Variants in XRCC4 observed in about 807,000 individuals in gnomAD.
The protein encoded by XRCC4 is DNA repair protein XRCC4.
XRCC4 carries 28 observed loss-of-function variants against 39.1 expected under a neutral mutation model. That is an observed-to-expected ratio of 0.72 (90% CI 0.53 to 0.98). The LOEUF (loss-of-function observed/expected upper bound fraction) is 0.98. XRCC4 is among the 50% of genes least tolerant of loss of function. The pLI, the probability that XRCC4 is intolerant of heterozygous loss-of-function variation, is 0.00. For missense variants in XRCC4, 350 were observed against 376.4 expected, an observed-to-expected ratio of 0.93 and a Z score of 0.58; for synonymous variants, 123 against 126.4, an observed-to-expected ratio of 0.97 and a Z score of 0.18.
intron 6 of XRCC4, among the ~76,000 whole-genome samples, chr5:83,246,363 T>C (rs1160776388): frequency 1.3e-5 from 2 of 152,122 alleles, no homozygotes. Flanking sequence ...TCCAGTTAAA[T>C]GTGTTAGGCT....
At chr5:83,218,061 T>TG (rs201063491) in intron 6 of XRCC4, among the ~76,000 whole-genome samples, 8 of 149,388 alleles carry the variant, frequency 5.4e-5, no homozygotes, top group African/African-American at 2.0e-4. Context: ...CTTTACCTTT[T>TG]TTATATATAT....
At chr5:83,255,104 AAG>A (rs1365930002) in intron 6 of XRCC4, among the ~76,000 whole-genome samples, 7 of 151,974 alleles carry the variant, frequency 4.6e-5, no homozygotes, top group Admixed American at 6.6e-5. Flanking sequence ...GAAAAAAAAA[AAG>A]AAAAGAAATT....
At chr5:83,276,148 G>T (rs1336959465) in intron 7 of XRCC4, among the ~76,000 whole-genome samples, 3 of 152,182 alleles carry the variant, frequency 2.0e-5, no homozygotes, top group African/African-American at 4.8e-5. Flanking sequence ...CTAGCGATAT[G>T]TGGTACAATA....
intron 3 of XRCC4, among the ~76,000 whole-genome samples, chr5:83,188,634 T>A (rs1338408750): frequency 3.3e-5 from 5 of 152,074 alleles, no homozygotes; most frequent in Non-Finnish European, 7.4e-5. Context: ...CAGAAGATGA[T>A]GGAGAACTGG....
chr5:83,222,598 C>T (rs1007196899), intron 6 of XRCC4, among the ~76,000 whole-genome samples: 1 of 152,094 alleles, frequency 6.6e-6, no homozygotes, highest in Non-Finnish European at 1.5e-5. Context: ...TGGCCAAATT[C>T]AGGAACATGT....
intron 3 of XRCC4, among the ~76,000 whole-genome samples, chr5:83,164,671 CAT>C (rs1477406266): frequency 6.6e-6 from 1 of 152,092 alleles, no homozygotes; most frequent in Non-Finnish European, 1.5e-5. Context: ...GTATCTCAAA[CAT>C]GTTGTACAAC....
intron 1 of XRCC4, among the ~76,000 whole-genome samples, chr5:83,078,510 G>A (rs576262844): frequency 6.6e-6 from 1 of 152,312 alleles, no homozygotes; most frequent in South Asian, 2.1e-4. Context: ...TGAGATTTTG[G>A]TTTATGAACT....
Position 83,203,561 on chromosome 5 carries a change from A to G in XRCC4, c.492A>G (p.Lys164=). The G allele has an allele frequency of 6.3e-7, 1 of 1,582,268 alleles. No homozygotes were observed. The highest frequency in any genetic ancestry group is 1.4e-5 in the African/African-American group (1 of 72,978). ...TTATTTACTTTTTTAGATTTGAAAA[A>G]TGTGTGAGTGCTAAGGAAGCTTTGG... ...DWNDVQGRFE[K]CVSAKEALET... is the part of the protein sequence containing the mutation. Residue 164 remains lysine, a synonymous_variant, in exon 5 of 8, where the codon AAA becomes AAG. Coordinates refer to ENST00000396027, the MANE Select transcript of XRCC4 (RefSeq NM_003401.5).
chr5:83,098,139 T>C (rs1745764476), intron 1 of XRCC4, among the ~76,000 whole-genome samples: 1 of 152,112 alleles, frequency 6.6e-6, no homozygotes, highest in Non-Finnish European at 1.5e-5. Context: ...ATATTTGGAA[T>C]GGCAGCAACT....
intron 3 of XRCC4, among the ~76,000 whole-genome samples, chr5:83,160,861 T>C (rs1749172760): frequency 6.6e-6 from 1 of 152,114 alleles, no homozygotes; most frequent in Non-Finnish European, 1.5e-5. Context: ...AGACCAAATT[T>C]AAATTTGGTT....
intron 3 of XRCC4, among the ~76,000 whole-genome samples, chr5:83,187,168 C>T (rs953929099): frequency 2.1e-5 from 1 of 48,296 alleles, no homozygotes; most frequent in Non-Finnish European, 4.8e-5. Flanking sequence ...TGGTCTCGAT[C>T]TCCTGACCTC....
chr5:83,231,920 A>C (rs1279806502), intron 6 of XRCC4, among the ~76,000 whole-genome samples: 2 of 152,062 alleles, frequency 1.3e-5, no homozygotes, highest in Admixed American at 6.6e-5. Context: ...GTTACAGTTT[A>C]AATGCATCAC....
the XRCC4 span, among the ~76,000 whole-genome samples, chr5:83,363,321 G>A: frequency 2.0e-5 from 3 of 152,222 alleles, no homozygotes; most frequent in Admixed American, 2.0e-4. Context: ...CCCCAGGGCT[G>A]AGAAGATAGG....
chr5:83,278,311 T>C (rs1754406726), intron 7 of XRCC4, among the ~76,000 whole-genome samples: 1 of 152,248 alleles, frequency 6.6e-6, no homozygotes, highest in Non-Finnish European at 1.5e-5. Context: ...TTAATTTTGG[T>C]CATAGAATTT....
intron 7 of XRCC4, among the ~76,000 whole-genome samples, chr5:83,282,648 C>T (rs1362057545): frequency 6.6e-6 from 1 of 151,890 alleles, no homozygotes; most frequent in Non-Finnish European, 1.5e-5. Context: ...CGAGACCATC[C>T]TGGCTAACAC....
chr5:83,117,006 G>A (rs569484045), intron 3 of XRCC4, among the ~76,000 whole-genome samples: 1 of 152,112 alleles, frequency 6.6e-6, no homozygotes, highest in African/African-American at 2.4e-5. Flanking sequence ...GGGAGCAGTG[G>A]GTCAGCAATT....
At chr5:83,201,195 G>A (rs1751177898) in intron 4 of XRCC4, 1 of 152,074 alleles carries the variant, frequency 6.6e-6, no homozygotes, top group Non-Finnish European at 1.5e-5. Context: ...ATTCTCCTTG[G>A]CTCTTCTTCT....
At chr5:83,157,085 G>A (rs186006654) in intron 3 of XRCC4, among the ~76,000 whole-genome samples, 21 of 152,226 alleles carry the variant, frequency 1.4e-4, no homozygotes, top group Admixed American at 2.0e-4. Context: ...TACAAAGAAC[G>A]TGAGGATTAA....
At position 83,152,632 on chromosome 5, in the gene XRCC4, CA is replaced by C. The variant is rs59213558; in HGVS notation, c.315+41450del. Among the ~76,000 whole-genome samples, 692 of 112,302 alleles carry C rather than the reference CA, an allele frequency of 6.2e-3. 2 individuals are homozygous for C. The highest frequency in any genetic ancestry group is 8.0e-3 in the Non-Finnish European group (417 of 52,414). The allele number at this position is 112,302 out of a possible 152,430, so 73.7% of individuals were successfully genotyped here. ...TGGACGACAAAGTGAGATCCTGTCT[CA>C]AAAAAAAAAAAAAAAAAAAAGAAAT... On this transcript the variant is annotated intron_variant, in intron 3 of 7. Coordinates refer to ENST00000396027, the MANE Select transcript of XRCC4 (RefSeq NM_003401.5).
Sources: gnomAD v4.1 joint callset for allele counts (sites outside exome capture counted in the v4.1 genomes callset) on GRCh38, gnomAD v4.1.1 for gene constraint, MANE v1.5 for transcripts, NCBI Gene and HGNC (gene_info 2026-07-23, HGNC 2026-07-21) for gene names.